Variants in SPOUT1 observed in about 807,000 individuals in gnomAD.
SPOUT1 encodes 28S rRNA (uridine-N(3))-methyltransferase.
In SPOUT1, 40 loss-of-function variants were observed where a neutral mutation model predicts 54.8. The ratio of observed to expected loss-of-function variants is 0.73; its 90% CI spans 0.57 to 0.95. The LOEUF (loss-of-function observed/expected upper bound fraction) is 0.95, where lower values mean the gene tolerates loss of function less well. Ranked by LOEUF, SPOUT1 falls within the 40% of genes least tolerant of loss-of-function variation. The pLI is 0.00. For synonymous variants in SPOUT1, 193 were observed against 200.3 expected, an observed-to-expected ratio of 0.96 and a Z score of 0.31; for missense variants, 437 against 499.5, an observed-to-expected ratio of 0.87 and a Z score of 1.19.
chr9:128,823,892 T>C lies in SPOUT1; in HGVS notation c.917A>G (p.His306Arg), dbSNP rs1294727847. 1 of 1,612,874 alleles carries C rather than the reference T, an allele frequency of 6.2e-7. No individual in the cohort carries two copies. Among genetic ancestry groups the C allele is most frequent in the African/African-American group, 1.3e-5 (1 of 74,850 alleles). ...GAGGCCCCCGAACACCACAAGAGCA[T>C]GCCTGGCCCATGTAAGAGGGGGTCA... ...VASAQLPNFR[H>R]ALVVFGGLQG... Residue 306 changes from histidine (H) to arginine (R), a missense_variant and splice_region_variant, in exon 11 of 12, where the codon CAT (histidine) becomes CGT (arginine). By Grantham distance (29) the His-to-Arg change is conservative. Coordinates refer to ENST00000361256, the MANE Select transcript of SPOUT1 (RefSeq NM_016390.4).
chr9:128,820,914 G>A lies in SPOUT1; in HGVS notation c.*1851C>T. The A allele has an allele frequency of 1.4e-6, 2 of 1,431,006 alleles. No individual in the cohort carries two copies. The highest frequency in any genetic ancestry group is 1.9e-6 in the Non-Finnish European group (2 of 1,036,894). The allele number at this position is 1,431,006 out of a possible 1,614,324, so 88.6% of individuals were successfully genotyped here. Reference sequence around the variant, plus strand: ...CCTGAGGCCCCTACTGCCACTCACAGGGCCAGGCTTGCCCCAGGCTCTGGG... The same window carrying A: ...CCTGAGGCCCCTACTGCCACTCACAAGGCCAGGCTTGCCCCAGGCTCTGGG... On this transcript the variant is annotated 3_prime_UTR_variant, in exon 12 of 12. Transcript: ENST00000361256.
At chr9:128,829,426 C>T (rs1830305714) in intron 1 of SPOUT1, among the ~76,000 whole-genome samples, 1 of 152,210 alleles carries the variant, frequency 6.6e-6, no homozygotes, top group Non-Finnish European at 1.5e-5. Context: ...CAGGGTACAG[C>T]ACTGCCCACA....
At chr9:128,825,644 CAGGA>C (rs1461827153) in intron 7 of SPOUT1, among the ~76,000 whole-genome samples, 1 of 152,156 alleles carries the variant, frequency 6.6e-6, no homozygotes. Flanking sequence ...TGCTTTCTGA[CAGGA>C]AGGGACTCCA....
chr9:128,824,292 GT>G, intron 9 of SPOUT1, 118 bp from the exon 10 acceptor site: 1 of 606,234 alleles, frequency 1.6e-6, no homozygotes, highest in Non-Finnish European at 3.0e-6. Context: ...GTGTGTGTGT[GT>G]GTGTGTGCGT....
chr9:128,822,048 T>G lies in SPOUT1; in HGVS notation c.*717A>C. The G allele has an allele frequency of 2.1e-6, 1 of 480,070 alleles. No homozygotes were observed. The highest frequency in any genetic ancestry group is 3.8e-6 in the Non-Finnish European group (1 of 262,770). The allele number at this position is 480,070 out of a possible 1,614,324, so 29.7% of individuals were successfully genotyped here. On this transcript the variant is annotated 3_prime_UTR_variant, in exon 12 of 12. Transcript: ENST00000361256. ...GTCGTTAAGTCTCCCCTCAGACGAA[T>G]GTGAATATTCAGAAGGCTCGATTCT...
At position 128,827,197 on chromosome 9, in the gene SPOUT1, CAGGGG is replaced by C. The variant is rs1564436421; in HGVS notation, c.209-11_209-7del. The C allele has an allele frequency of 3.5e-5, 56 of 1,607,020 alleles. No individual in the cohort carries two copies. The highest frequency in any genetic ancestry group is 4.6e-5 in the Non-Finnish European group (54 of 1,176,326). ...GCTCAGTGTGTAGGGCCGCCCTGAGCAGGGGAGGGATGTTCCCAGCCAGTGTGAGA... is the reference window on the plus strand; with the variant it reads ...GCTCAGTGTGTAGGGCCGCCCTGAGCAGGGATGTTCCCAGCCAGTGTGAGA... On this transcript the variant is annotated splice_region_variant and splice_polypyrimidine_tract_variant and intron_variant, in intron 3 of 11. Transcript: ENST00000361256.
rs757289896 is a variant in SPOUT1 at position 128,824,197 on chromosome 9, G to A, written c.812-23C>T. 28 of 1,449,396 alleles carry A rather than the reference G, an allele frequency of 1.9e-5. No individual in the cohort carries two copies. In the African/African-American group the frequency reaches 3.6e-4, roughly 19 times the overall value. 89.8% of individuals were successfully genotyped at this position (1,449,396 alleles called of 1,614,324 possible). ...CACCTGGGGGTGGGGCCAGCTCAGT[G>A]CAGGTCCTGCTCCCCACAAGCCATA... On this transcript the variant is annotated intron_variant, in intron 9 of 11. Coordinates refer to ENST00000361256, the MANE Select transcript of SPOUT1 (RefSeq NM_016390.4).
intron 3 of SPOUT1, 146 bp from the exon 4 acceptor site, chr9:128,827,337 T>C: frequency 1.5e-6 from 1 of 681,866 alleles, no homozygotes; most frequent in Non-Finnish European, 2.4e-6. Context: ...CCAGCTCCCC[T>C]CTCTGGGCCT....
Position 128,826,868 on chromosome 9 carries a change from C to A in SPOUT1, c.368+164G>T, listed in dbSNP as rs1830251925. ...CCCAATCCCACCTCTGTAGTCATCA[C>A]CCCCACCTGGCAACTCTACCCACTA... On this transcript the variant is annotated intron_variant, in intron 4 of 11. Coordinates refer to ENST00000361256, the MANE Select transcript of SPOUT1 (RefSeq NM_016390.4). The surrounding 1 kb of genome is among the most constrained non-coding windows in gnomAD (Gnocchi z 5.5). 6.6e-6 allele frequency among the ~76,000 whole-genome samples: 1 copy of A among 152,158 alleles called. No individual in the cohort carries two copies. The highest frequency in any genetic ancestry group is 1.5e-5 in the Non-Finnish European group (1 of 68,020).
Position 128,821,828 on chromosome 9 carries a change from A to T in SPOUT1, c.*937T>A, listed in dbSNP as rs1393520341. ...GCCTGGTCCATGGTAAGGGCTCGGCATAGGCTGGCCAAGGCGGTGGTTGGG... is the reference window on the plus strand; with the variant it reads ...GCCTGGTCCATGGTAAGGGCTCGGCTTAGGCTGGCCAAGGCGGTGGTTGGG... On this transcript the variant is annotated 3_prime_UTR_variant, in exon 12 of 12. Coordinates refer to ENST00000361256, the MANE Select transcript of SPOUT1 (RefSeq NM_016390.4). 2 of 174,244 alleles carry T rather than the reference A, an allele frequency of 1.1e-5. No homozygotes were observed. The highest frequency in any genetic ancestry group is 2.4e-5 in the African/African-American group (1 of 41,822). 10.8% of individuals were successfully genotyped at this position (174,244 alleles called of 1,614,324 possible). A position where few individuals can be genotyped will look rare whatever the true frequency, so the allele number is the denominator to read the frequency against.
rs1190554593 is a variant in SPOUT1 at position 128,822,170 on chromosome 9, C to T, written c.*595G>A. 3 of 838,298 alleles carry T rather than the reference C, an allele frequency of 3.6e-6. No homozygotes were observed. The South Asian group carries it at 5.4e-5, about 15-fold the overall frequency. The allele number at this position is 838,298 out of a possible 1,614,324, so 51.9% of individuals were successfully genotyped here. A position where few individuals can be genotyped will look rare whatever the true frequency, so the allele number is the denominator to read the frequency against. ...TAACCACCCTGGAGAGAGTTCCAGC[C>T]TCAAGGAGGAGCCAGGCAGGCTACA... On this transcript the variant is annotated 3_prime_UTR_variant, in exon 12 of 12. Coordinates refer to ENST00000361256, the MANE Select transcript of SPOUT1 (RefSeq NM_016390.4).
At position 128,826,759 on chromosome 9, in the gene SPOUT1, A is replaced by G; in HGVS notation, c.369-130T>C. 1.4e-6 allele frequency: 1 copy of G among 700,992 alleles called. No homozygotes were observed. Among genetic ancestry groups the G allele is most frequent in the South Asian group, 1.9e-5 (1 of 53,254 alleles). The allele number at this position is 700,992 out of a possible 1,614,324, so 43.4% of individuals were successfully genotyped here. On this transcript the variant is annotated intron_variant, in intron 4 of 11. Transcript: ENST00000361256. This position sits in a 1 kb window ranked among gnomAD's most constrained non-coding sequence, Gnocchi z 5.5. ...GGAGGATCATCTGAGTGCAGCAAGT[A>G]GAGGCTGCAGTGAGCCATGACCATG...
At position 128,820,867 on chromosome 9, in the gene SPOUT1, G is replaced by A. The variant is rs765941137; in HGVS notation, c.*1898C>T. ...TGCCCAGGTAAGGTGGAAACCAGGG[G>A]GGCGGCAGAACCTCCCACTCACCTG... On this transcript the variant is annotated 3_prime_UTR_variant, in exon 12 of 12. Coordinates refer to ENST00000361256, the MANE Select transcript of SPOUT1 (RefSeq NM_016390.4). The A allele has an allele frequency of 3.1e-6, 5 of 1,589,436 alleles. No homozygotes were observed. Among genetic ancestry groups the A allele is most frequent in the Non-Finnish European group, 4.3e-6 (5 of 1,166,148 alleles).
At chr9:128,824,694 T>G in intron 9 of SPOUT1, 77 bp downstream of exon 9, 1 of 1,003,182 alleles carries the variant, frequency 1.0e-6, no homozygotes, top group Non-Finnish European at 1.6e-6. Context: ...CCTGGTCTGA[T>G]ATTTGGGTCA....
Position 128,822,013 on chromosome 9 carries a change from G to A in SPOUT1, c.*752C>T, listed in dbSNP as rs1830128859. The stretch of plus-strand genomic sequence containing the variant: ...CACTTGTTGCTCACCTCTGTGGGGA[G>A]AGATGGACAGTCGTTAAGTCTCCCC... On this transcript the variant is annotated 3_prime_UTR_variant, in exon 12 of 12. Transcript: ENST00000361256. 1 of 386,308 alleles carries A rather than the reference G, an allele frequency of 2.6e-6. No individual in the cohort carries two copies. Among genetic ancestry groups the A allele is most frequent in the Non-Finnish European group, 4.9e-6 (1 of 205,720 alleles). 23.9% of individuals were successfully genotyped at this position (386,308 alleles called of 1,614,324 possible).
At chr9:128,822,891 C>T (rs1830156430) in intron 11 of SPOUT1, 58 bp from the exon 12 acceptor site, 1 of 1,298,010 alleles carries the variant, frequency 7.7e-7, no homozygotes, top group Non-Finnish European at 1.1e-6. Context: ...TGCCCCCGCT[C>T]CCAGCCTGTC....
chr9:128,826,592 C>A lies in SPOUT1; in HGVS notation c.406G>T (p.Gly136Trp). The change falls in exon 5 of 12, where the codon GGG becomes TGG. Residue 136 changes from glycine to tryptophan, a missense_variant. Gly to Trp is a radical substitution (Grantham distance 184, BLOSUM62 -2). Coordinates refer to ENST00000361256, the MANE Select transcript of SPOUT1 (RefSeq NM_016390.4). The surrounding 1 kb of genome is among the most constrained non-coding windows in gnomAD (Gnocchi z 5.5). The stretch of plus-strand genomic sequence containing the variant: ...CGGGCCAGCTGTACGCACGCCTGCC[C>A]CTTCTTCCCAACTCCTGTGAATTCC... ...EGEFTGVGKK[G>W]QACVQLARIL... 1 of 1,600,776 alleles carries A rather than the reference C, an allele frequency of 6.2e-7. No individual in the cohort carries two copies. The highest frequency in any genetic ancestry group is 8.5e-7 in the Non-Finnish European group (1 of 1,172,804).
rs761005506 is a variant in SPOUT1 at position 128,826,568 on chromosome 9, G to A, written c.430C>T (p.Arg144Trp). The change falls in exon 5 of 12, where the codon CGG (arginine) becomes TGG (tryptophan). Residue 144 changes from arginine (R) to tryptophan (W), a missense_variant. Transcript: ENST00000361256. This position sits in a 1 kb window ranked among gnomAD's most constrained non-coding sequence, Gnocchi z 5.5. ...GGACACTCCAGGTACTGCAGGATCC[G>A]GGCCAGCTGTACGCACGCCTGCCCC... ...KKGQACVQLA[R>W]ILQYLECPQY... The A allele has an allele frequency of 1.1e-5, 17 of 1,608,440 alleles. No individual in the cohort carries two copies. Among genetic ancestry groups the A allele is most frequent in the African/African-American group, 6.7e-5 (5 of 74,776 alleles).
At chr9:128,824,003 G>C in intron 10 of SPOUT1, 69 bp downstream of exon 10, 1 of 1,577,618 alleles carries the variant, frequency 6.3e-7, no homozygotes, top group Non-Finnish European at 8.7e-7. Flanking sequence ...CATCTGTGCA[G>C]CTTCACCCAC....
Sources: gnomAD v4.1 joint callset for allele counts (sites outside exome capture counted in the v4.1 genomes callset) on GRCh38, gnomAD v4.1.1 for gene constraint, Gnocchi (gnomAD v3.1) non-coding constraint, MANE v1.5 for transcripts, NCBI Gene and HGNC (gene_info 2026-07-23, HGNC 2026-07-21) for gene names.